RANBP9: variants seen among roughly 807,000 people sequenced by gnomAD.
RANBP9 encodes the protein ran-binding protein 9.
RANBP9 carries 15 observed loss-of-function variants against 84.3 expected under a neutral mutation model. The ratio of observed to expected loss-of-function variants is 0.18; its 90% CI spans 0.12 to 0.27. The LOEUF is 0.27. RANBP9 is among the 10% of genes least tolerant of loss of function. The pLI, the probability that RANBP9 is intolerant of heterozygous loss-of-function variation, is 1.00. For synonymous variants in RANBP9, 392 were observed against 349.6 expected (o/e 1.12, Z -1.35); for missense variants, 809 against 912.8 (o/e 0.89, Z 1.46).
intron 5 of RANBP9, among the ~76,000 whole-genome samples, chr6:13,651,551 C>T (rs537225069): frequency 3.6e-4 from 54 of 151,840 alleles, no homozygotes; most frequent in Non-Finnish European, 5.4e-4. Flanking sequence ...CCCACCACCA[C>T]GCCCAGCTAA....
chr6:13,623,873 G>C (rs927781526), intron 13 of RANBP9, among the ~76,000 whole-genome samples: 5 of 152,168 alleles, frequency 3.3e-5, no homozygotes, highest in African/African-American at 9.7e-5. Context: ...TGTGTCTATA[G>C]ATAATGGTGC....
chr6:13,634,894 C>T (rs1764898021), intron 10 of RANBP9, among the ~76,000 whole-genome samples: 1 of 152,142 alleles, frequency 6.6e-6, no homozygotes, highest in Non-Finnish European at 1.5e-5. Context: ...ACTGCTGCCC[C>T]ACCAACTCCC....
chr6:13,666,556 G>A (rs750898635), intron 2 of RANBP9, among the ~76,000 whole-genome samples: 38 of 135,526 alleles, frequency 2.8e-4, no homozygotes, highest in East Asian at 1.3e-3. Context: ...TGAGAGAAGC[G>A]CTTGAGTCCA....
chr6:13,645,674 C>T (rs904966123), intron 5 of RANBP9, among the ~76,000 whole-genome samples: 1 of 152,188 alleles, frequency 6.6e-6, no homozygotes, highest in African/African-American at 2.4e-5. Context: ...GGAATTGGAA[C>T]ACAAGTTTGT....
chr6:13,698,023 G>A (rs998287851), intron 1 of RANBP9, among the ~76,000 whole-genome samples: 1 of 152,064 alleles, frequency 6.6e-6, no homozygotes, highest in Admixed American at 6.5e-5. Context: ...CATCACACAT[G>A]AATGAGATCA....
At chr6:13,664,806 C>T (rs1765612555) in intron 2 of RANBP9, among the ~76,000 whole-genome samples, 1 of 152,092 alleles carries the variant, frequency 6.6e-6, no homozygotes, top group Admixed American at 6.5e-5. Flanking sequence ...TGTGAAGGAT[C>T]TAAAACATCC....
At chr6:13,638,201 A>G (rs191346189) in intron 9 of RANBP9, among the ~76,000 whole-genome samples, 1 of 152,268 alleles carries the variant, frequency 6.6e-6, no homozygotes, top group East Asian at 1.9e-4. Flanking sequence ...AAATCCCCCT[A>G]AAATGGCAAT....
In RANBP9 at chr6:13,711,561, C is replaced by A; in HGVS notation, c.-56G>T. 6 of 1,232,156 alleles carry A rather than the reference C, an allele frequency of 4.9e-6. 1 individual carries two copies. In the East Asian group the frequency reaches 1.9e-4, roughly 39 times the overall value. The allele number at this position is 1,232,156 out of a possible 1,614,324, so 76.3% of individuals were successfully genotyped here. ...CACCTCTTCTCTCCTTCCTCCTCTG[C>A]TTCCCGGGGGCGCTGTCGCTGCGGC... is the stretch of plus-strand genomic sequence containing the variant. On this transcript the variant is annotated 5_prime_UTR_variant, in exon 1 of 14. Coordinates refer to ENST00000011619, the MANE Select transcript of RANBP9 (RefSeq NM_005493.3).
Position 13,711,271 on chromosome 6 carries a change from T to C in RANBP9, c.235A>G (p.Thr79Ala). 3.4e-6 allele frequency: 3 copies of C among 887,646 alleles called. No homozygotes were observed. Among genetic ancestry groups the C allele is most frequent in the Non-Finnish European group, 4.0e-6 (3 of 746,882 alleles). The allele number at this position is 887,646 out of a possible 1,614,324, so 55.0% of individuals were successfully genotyped here. The change falls in exon 1 of 14, where the codon ACC (threonine) becomes GCC (alanine). Residue 79 changes from threonine to alanine, a missense_variant. By Grantham distance (58) the Thr-to-Ala change is moderately conservative. This residue lies in a region of RANBP9 where 302 missense variants were observed against 240.1 expected (regional missense o/e 1.26). Transcript: ENST00000011619. ...LHPPPPPPPA[T>A]AAPPPPPPPP... ...GGCGGCGGGGGCGGCGGGGCCGCGG[T>C]GGCCGGGGGCGGCGGCGGCGGAGGG...
chr6:13,623,533 T>C (rs1157986112), intron 13 of RANBP9, among the ~76,000 whole-genome samples: 2 of 152,124 alleles, frequency 1.3e-5, no homozygotes, highest in Non-Finnish European at 2.9e-5. Context: ...GGCACATAGA[T>C]TGATGAGAAA....
intron 5 of RANBP9, among the ~76,000 whole-genome samples, chr6:13,652,021 T>C (rs773358258): frequency 2.0e-5 from 3 of 152,124 alleles, no homozygotes; most frequent in Admixed American, 1.3e-4. Flanking sequence ...GCTCTACATA[T>C]CCACTTGGCA....
chr6:13,640,417 CA>C (rs1310042935), intron 8 of RANBP9, among the ~76,000 whole-genome samples: 1 of 151,902 alleles, frequency 6.6e-6, no homozygotes, highest in Admixed American at 6.6e-5. Context: ...GGTATATAAC[CA>C]AAAAAATCTA....
intron 5 of RANBP9, among the ~76,000 whole-genome samples, chr6:13,651,478 T>C (rs1219410707): frequency 6.6e-6 from 1 of 151,886 alleles, no homozygotes; most frequent in African/African-American, 2.4e-5. Context: ...CACTGCAAGC[T>C]CCGCCTCCTG....
chr6:13,658,178 T>C (rs1439531021), intron 3 of RANBP9, among the ~76,000 whole-genome samples: 1 of 152,160 alleles, frequency 6.6e-6, no homozygotes, highest in African/African-American at 2.4e-5. Context: ...GGGTAGCCAA[T>C]ATAACTAGCC....
intron 12 of RANBP9, among the ~76,000 whole-genome samples, chr6:13,626,841 T>C (rs1764620257): frequency 6.6e-6 from 1 of 152,182 alleles, no homozygotes; most frequent in Admixed American, 6.5e-5. Flanking sequence ...ATCTTACTAG[T>C]GTTATGAAAG....
chr6:13,648,496 C>T (rs1765223821), intron 5 of RANBP9, among the ~76,000 whole-genome samples: 1 of 152,112 alleles, frequency 6.6e-6, no homozygotes, highest in Non-Finnish European at 1.5e-5. Context: ...GGTGCATTGT[C>T]ACTGTAGATT....
At chr6:13,684,313 G>A (rs1463358850) in intron 2 of RANBP9, among the ~76,000 whole-genome samples, 1 of 152,092 alleles carries the variant, frequency 6.6e-6, no homozygotes, top group Admixed American at 6.5e-5. Context: ...AAATCCCTCT[G>A]CATCTCCTTA....
At chr6:13,666,647 T>C (rs555882592) in intron 2 of RANBP9, among the ~76,000 whole-genome samples, 399 of 139,044 alleles carry the variant, frequency 2.9e-3, no homozygotes, top group African/African-American at 9.6e-3. Flanking sequence ...GGGTGGTGCA[T>C]TGCCTGTAGT....
intron 2 of RANBP9, among the ~76,000 whole-genome samples, chr6:13,676,020 A>T (rs908995314): frequency 6.6e-6 from 1 of 152,114 alleles, no homozygotes; most frequent in Non-Finnish European, 1.5e-5. Flanking sequence ...AATGAGAAAG[A>T]AGAGGAAGAA....
Sources: gnomAD v4.1 joint callset for allele counts (sites outside exome capture counted in the v4.1 genomes callset) on GRCh38, gnomAD v4.1.1 for gene constraint, gnomAD v4.1.1 regional missense constraint, MANE v1.5 for transcripts, NCBI Gene and HGNC (gene_info 2026-07-23, HGNC 2026-07-21) for gene names.